Variants in PLSCR3 observed in about 807,000 individuals in gnomAD.
PLSCR3 encodes phospholipid scramblase 3.
PLSCR3 carries 17 observed loss-of-function variants against 33.7 expected under a neutral mutation model. The observed-to-expected ratio is 0.50, with a 90% CI of 0.35 to 0.76. The LOEUF is 0.76. Among genes scored for constraint, PLSCR3 ranks in the 30% least tolerant of loss-of-function variants. The probability of loss-of-function intolerance (pLI) is 0.01; values close to 1 mark genes in which losing one functional copy is unlikely to be tolerated. For missense variants in PLSCR3, 360 were observed against 394.1 expected, an observed-to-expected ratio of 0.91 and a Z score of 0.73; for synonymous variants, 166 against 166.0, an observed-to-expected ratio of 1.00 and a Z score of 0.00.
Position 7,391,352 on chromosome 17 carries a change from G to A in PLSCR3, c.670-557C>T, listed in dbSNP as rs1348491184. Among the ~76,000 whole-genome samples, 1 of 152,214 alleles carries A rather than the reference G, an allele frequency of 6.6e-6. No homozygotes were observed. The highest frequency in any genetic ancestry group is 1.9e-4 in the East Asian group (1 of 5,190). ...GAGGGCCTTGCCCAGCACTGCATGA[G>A]AGCCTCATCTAGAGAGGGATACATG... On this transcript the variant is annotated intron_variant, in intron 6 of 7. Coordinates refer to ENST00000619711, the MANE Select transcript of PLSCR3 (RefSeq NM_020360.4). This position sits in a 1 kb window ranked among gnomAD's most constrained non-coding sequence, Gnocchi z 4.1.
rs1030192634 is a variant in PLSCR3 at position 7,391,824 on chromosome 17, C to T, written c.669+967G>A. 1.3e-5 allele frequency among the ~76,000 whole-genome samples: 2 copies of T among 152,214 alleles called. No homozygotes were observed. The highest frequency in any genetic ancestry group is 1.9e-4 in the East Asian group (1 of 5,202). ...CTTAGGTAGGGTACCTCATTAGAAG[C>T]GTTGGAAAGTCTACTGGATTATACC... On this transcript the variant is annotated intron_variant, in intron 6 of 7. Transcript: ENST00000619711. The surrounding 1 kb of genome is among the most constrained non-coding windows in gnomAD (Gnocchi z 4.1).
rs1236987179 is a variant in PLSCR3, at chr17:7,389,828, G to C, written c.*557C>G. On this transcript the variant is annotated 3_prime_UTR_variant, in exon 8 of 8. Coordinates refer to ENST00000619711, the MANE Select transcript of PLSCR3 (RefSeq NM_020360.4). The stretch of plus-strand genomic sequence containing the variant: ...AGGAAGGGCAGTTACATAAGGCACA[G>C]GAATCGCAGCAAGCACCAGCTGAAG... 2 of 155,526 alleles carry C rather than the reference G, an allele frequency of 1.3e-5. No homozygotes were observed. Among genetic ancestry groups the C allele is most frequent in the Admixed American group, 1.3e-4 (2 of 15,486 alleles). 9.6% of individuals were successfully genotyped at this position (155,526 alleles called of 1,614,324 possible).
chr17:7,393,746 G>C lies in PLSCR3; in HGVS notation c.98C>G (p.Pro33Arg), dbSNP rs201923475. ...CTGGGCGGGCACTGGCGCCTGCCCG[G>C]GCCCAGGATGTAGCGCCGGCTCCGG... ...GYPEPALHPG[P>R]GQAPVPAQVP... The change falls in exon 3 of 8, where the codon CCC (proline) becomes CGC (arginine). Residue 33 changes from proline (P) to arginine (R), a missense_variant. Coordinates refer to ENST00000619711, the MANE Select transcript of PLSCR3 (RefSeq NM_020360.4). 1 of 1,514,580 alleles carries C rather than the reference G, an allele frequency of 6.6e-7. No homozygotes were observed. Among genetic ancestry groups the C allele is most frequent in the Non-Finnish European group, 8.8e-7 (1 of 1,142,350 alleles). The allele number at this position is 1,514,580 out of a possible 1,614,324, so 93.8% of individuals were successfully genotyped here.
chr17:7,393,824 G>C lies in PLSCR3; in HGVS notation c.20C>G (p.Pro7Arg), dbSNP rs566317666. 3.6e-5 allele frequency: 54 copies of C among 1,497,450 alleles called. No individual in the cohort carries two copies. The highest frequency in any genetic ancestry group is 4.7e-5 in the Non-Finnish European group (53 of 1,124,144). 92.8% of individuals were successfully genotyped at this position (1,497,450 alleles called of 1,614,324 possible). Residue 7 changes from proline (P) to arginine (R), a missense_variant, in exon 3 of 8, where the codon CCC becomes CGC. By Grantham distance (103) the Pro-to-Arg change is moderately radical. Coordinates refer to ENST00000619711, the MANE Select transcript of PLSCR3 (RefSeq NM_020360.4). Reference sequence around the variant, plus strand: ...TGGGGGCGAAGGGGCGTAGCCTTTGGGGGGCAAGTAGCCTGTAAAGCGGTG... The same window carrying C: ...TGGGGGCGAAGGGGCGTAGCCTTTGCGGGGCAAGTAGCCTGTAAAGCGGTG... MAGYLP[P>R]KGYAPSPPPP...
intron 6 of PLSCR3, 137 bp downstream of exon 6, chr17:7,392,654 T>C: frequency 1.3e-6 from 1 of 788,634 alleles, no homozygotes. Context: ...AATGGAGGAA[T>C]GCTACAAATG....
At position 7,393,215 on chromosome 17, in the gene PLSCR3, C is replaced by A. The variant is rs754277186; in HGVS notation, c.436G>T (p.Asp146Tyr). Residue 146 changes from aspartate (D) to tyrosine (Y), a missense_variant, in exon 5 of 8, where the codon GAC becomes TAC. Coordinates refer to ENST00000619711, the MANE Select transcript of PLSCR3 (RefSeq NM_020360.4). ...CGGAGCAAACGCAGCACCTCACGGT[C>A]CCCGGGGTCGGCCAGGCGGACACGC... ...PLRVRLADPG[D>Y]REVLRLLRPL... The A allele has an allele frequency of 1.3e-6, 2 of 1,565,264 alleles. No individual in the cohort carries two copies. The highest frequency in any genetic ancestry group is 2.3e-5 in the East Asian group (1 of 43,324).
intron 6 of PLSCR3, among the ~76,000 whole-genome samples, chr17:7,392,279 C>T (rs1207975888): frequency 6.6e-6 from 1 of 152,222 alleles, no homozygotes; most frequent in South Asian, 2.1e-4. Flanking sequence ...CAGGCCTCAC[C>T]TCACTCTGAA....
chr17:7,393,130 C>G lies in PLSCR3; in HGVS notation c.507+14G>C. The G allele has an allele frequency of 6.9e-7, 1 of 1,447,178 alleles. No homozygotes were observed. Among genetic ancestry groups the G allele is most frequent in the Non-Finnish European group, 9.0e-7 (1 of 1,106,528 alleles). The allele number at this position is 1,447,178 out of a possible 1,614,324, so 89.6% of individuals were successfully genotyped here. Reference sequence around the variant, plus strand: ...CACCAAGGCCCGCCCTCCCGGCCCCCTCCCTCCGCCCACCTCCTGGAGGCC... The same window carrying G: ...CACCAAGGCCCGCCCTCCCGGCCCCGTCCCTCCGCCCACCTCCTGGAGGCC... On this transcript the variant is annotated intron_variant, in intron 5 of 7. Transcript: ENST00000619711.
Position 7,392,862 on chromosome 17 carries a change from C to A in PLSCR3, c.598G>T (p.Asp200Tyr), listed in dbSNP as rs752462957. The A allele has an allele frequency of 1.9e-6, 3 of 1,613,968 alleles. No homozygotes were observed. Among genetic ancestry groups the A allele is most frequent in the East Asian group, 4.5e-5 (2 of 44,896 alleles). Reference sequence around the variant, plus strand: ...ACCACTCGCAAGACTGTCTGGCGATCGGCATCCTGGATGGAGAACTTGGGG... The same window carrying A: ...ACCACTCGCAAGACTGTCTGGCGATAGGCATCCTGGATGGAGAACTTGGGG... Reference protein sequence around the residue: ...FLPKFSIQDADRQTVLRVVGP... With the variant: ...FLPKFSIQDAYRQTVLRVVGP... Residue 200 changes from aspartate to tyrosine, a missense_variant, in exon 6 of 8, where the codon GAT becomes TAT. Coordinates refer to ENST00000619711, the MANE Select transcript of PLSCR3 (RefSeq NM_020360.4).
rs1351509196 is a variant in PLSCR3, at chr17:7,391,220, G to C, written c.670-425C>G. On this transcript the variant is annotated intron_variant, in intron 6 of 7. Transcript: ENST00000619711. The surrounding 1 kb of genome is among the most constrained non-coding windows in gnomAD (Gnocchi z 4.1). ...CTACACAAAGTAACCTGGCCAAAAG[G>C]GCAAGGAAAGCTACTGGAATTCTGG... is the stretch of plus-strand genomic sequence containing the variant. Among the ~76,000 whole-genome samples, 1 of 152,144 alleles carries C rather than the reference G, an allele frequency of 6.6e-6. No individual in the cohort carries two copies. The highest frequency in any genetic ancestry group is 1.5e-5 in the Non-Finnish European group (1 of 68,022).
At position 7,393,332 on chromosome 17, in the gene PLSCR3, C is replaced by T. The variant is rs1415011761; in HGVS notation, c.319G>A (p.Glu107Lys). Reference protein sequence around the residue: ...FLGWETCNRYELRSGAGQPLG... With the variant: ...FLGWETCNRYKLRSGAGQPLG... ...GGCTGCCCGGCCCCAGAGCGCAGTT[C>T]ATACCGATTACAGGTCTCCCAGCCT... The change falls in exon 5 of 8, where the codon GAA (glutamate) becomes AAA (lysine). Residue 107 changes from glutamate (E) to lysine (K), a missense_variant. Transcript: ENST00000619711. 8 of 1,612,662 alleles carry T rather than the reference C, an allele frequency of 5.0e-6. No homozygotes were observed. The highest frequency in any genetic ancestry group is 1.1e-5 in the South Asian group (1 of 91,080).
Position 7,392,821 on chromosome 17 carries a change from G to C in PLSCR3, c.639C>G (p.Thr213=). Reference sequence around the variant, plus strand: ...AGTTGGTGTCTGTGCCACAGCCACAGGTCCAGCAGGGCCCCACCACTCGCA... The same window carrying C: ...AGTTGGTGTCTGTGCCACAGCCACACGTCCAGCAGGGCCCCACCACTCGCA... ...TVLRVVGPCW[T]CGCGTDTNFE... is the part of the protein sequence containing the mutation. The change falls in exon 6 of 8, where the codon ACC becomes ACG. Residue 213 remains threonine (T), a synonymous_variant. Transcript: ENST00000619711. 3 of 1,614,064 alleles carry C rather than the reference G, an allele frequency of 1.9e-6. No individual in the cohort carries two copies. Among genetic ancestry groups the C allele is most frequent in the Non-Finnish European group, 2.5e-6 (3 of 1,180,006 alleles).
Position 7,392,834 on chromosome 17 carries a change from C to T in PLSCR3, c.626G>A (p.Gly209Glu), listed in dbSNP as rs202165065. Reference sequence around the variant, plus strand: ...GCCACAGCCACAGGTCCAGCAGGGCCCCACCACTCGCAAGACTGTCTGGCG... The same window carrying T: ...GCCACAGCCACAGGTCCAGCAGGGCTCCACCACTCGCAAGACTGTCTGGCG... ...ADRQTVLRVV[G>E]PCWTCGCGTD... Residue 209 changes from glycine (G) to glutamate (E), a missense_variant, in exon 6 of 8, where the codon GGG (glycine) becomes GAG (glutamate). Coordinates refer to ENST00000619711, the MANE Select transcript of PLSCR3 (RefSeq NM_020360.4). The T allele has an allele frequency of 1.2e-6, 2 of 1,614,030 alleles. No individual in the cohort carries two copies. The highest frequency in any genetic ancestry group is 3.3e-5 in the Admixed American group (2 of 60,006).
intron 6 of PLSCR3, 58 bp from the exon 7 acceptor site, chr17:7,390,853 C>A: frequency 6.4e-7 from 1 of 1,566,934 alleles, no homozygotes; most frequent in Non-Finnish European, 8.8e-7. Flanking sequence ...GTCTCACCTG[C>A]TCCAGTCTCA....
Position 7,393,135 on chromosome 17 carries a change from T to TCCCC in PLSCR3, c.507+8_507+9insGGGG. 1.9e-6 allele frequency: 1 copy of TCCCC among 529,584 alleles called. No homozygotes were observed. The highest frequency in any genetic ancestry group is 2.6e-6 in the Non-Finnish European group (1 of 389,956). 32.8% of individuals were successfully genotyped at this position (529,584 alleles called of 1,614,324 possible). On this transcript the variant is annotated intron_variant, in intron 5 of 7. Transcript: ENST00000619711. ...AGGCCCGCCCTCCCGGCCCCCTCCC[T>TCCCC]CCGCCCACCTCCTGGAGGCCACAGG...
chr17:7,393,116 G>GGGGGCCCCCCGGGCCCC, intron 5 of PLSCR3, 28 bp downstream of exon 5: 1 of 650,886 alleles, frequency 1.5e-6, no homozygotes, highest in Non-Finnish European at 2.1e-6. Context: ...ACCAAGGCCC[G>GGGGGCCCCCCGGGCCCC]CCCTCCCGGC....
At chr17:7,393,434 C>T (rs1905905905) in intron 4 of PLSCR3, 33 bp downstream of exon 4, 1 of 1,613,784 alleles carries the variant, frequency 6.2e-7, no homozygotes, top group African/African-American at 1.3e-5. Flanking sequence ...GGGCCACCAT[C>T]ATGAGGTCCA....
chr17:7,392,727 C>T, intron 6 of PLSCR3, 64 bp downstream of exon 6: 1 of 1,486,352 alleles, frequency 6.7e-7, no homozygotes. Context: ...TGTTAACTAT[C>T]CTGCCTCATG....
At chr17:7,393,115 C>T (rs2143217856) in intron 5 of PLSCR3, 29 bp downstream of exon 5, 1 of 1,236,946 alleles carries the variant, frequency 8.1e-7, no homozygotes, top group South Asian at 1.5e-5. Context: ...CACCAAGGCC[C>T]GCCCTCCCGG....
Sources: allele counts gnomAD v4.1 joint callset (sites outside exome capture counted in the v4.1 genomes callset), GRCh38; gene constraint gnomAD v4.1.1; non-coding constraint Gnocchi (gnomAD v3.1); transcripts MANE v1.5; gene names NCBI Gene and HGNC (gene_info 2026-07-23, HGNC 2026-07-21).